SH3RF1: variants seen among roughly 807,000 people sequenced by gnomAD.
SH3RF1 encodes the protein E3 ubiquitin-protein ligase SH3RF1.
In SH3RF1, 32 loss-of-function variants were observed where a neutral mutation model predicts 74.0. That is an observed-to-expected ratio of 0.43 (90% CI 0.33 to 0.58). The LOEUF (loss-of-function observed/expected upper bound fraction) is 0.58, where lower values mean the gene tolerates loss of function less well. Among genes scored for constraint, SH3RF1 ranks in the 20% least tolerant of loss-of-function variants. The pLI, the probability that SH3RF1 is intolerant of heterozygous loss-of-function variation, is 0.05. For synonymous variants in SH3RF1, 396 were observed against 439.6 expected, an observed-to-expected ratio of 0.90 and a Z score of 1.24; for missense variants, 954 against 1,130.9, an observed-to-expected ratio of 0.84 and a Z score of 2.24.
chr4:169,194,426 T>C (rs896258136), intron 2 of SH3RF1, among the ~76,000 whole-genome samples: 1 of 152,188 alleles, frequency 6.6e-6, no homozygotes, highest in African/African-American at 2.4e-5. Context: ...TTAGACACTC[T>C]GGTTTTGTTT....
intron 2 of SH3RF1, among the ~76,000 whole-genome samples, chr4:169,175,139 A>C (rs555342413): frequency 6.6e-6 from 1 of 152,198 alleles, no homozygotes; most frequent in African/African-American, 2.4e-5. Flanking sequence ...CATCCACTTA[A>C]TGCATCAGCA....
At chr4:169,213,810 A>G (rs1161258474) in intron 2 of SH3RF1, among the ~76,000 whole-genome samples, 1 of 152,186 alleles carries the variant, frequency 6.6e-6, no homozygotes, top group African/African-American at 2.4e-5. Context: ...CCTTTGACAA[A>G]AGGTCACTTG....
At chr4:169,213,960 T>C (rs1375027300) in intron 2 of SH3RF1, among the ~76,000 whole-genome samples, 1 of 152,200 alleles carries the variant, frequency 6.6e-6, no homozygotes, top group Non-Finnish European at 1.5e-5. Flanking sequence ...GAGTCCTCTT[T>C]GTTTTTCTCC....
intron 2 of SH3RF1, among the ~76,000 whole-genome samples, chr4:169,228,741 A>G (rs562753550): frequency 6.6e-6 from 1 of 152,324 alleles, no homozygotes; most frequent in East Asian, 1.9e-4. Flanking sequence ...CTACTGCAGC[A>G]TGGAATCATC....
chr4:169,151,343 GC>G (rs1733972721), intron 4 of SH3RF1, among the ~76,000 whole-genome samples: 1 of 152,204 alleles, frequency 6.6e-6, no homozygotes, highest in African/African-American at 2.4e-5. Context: ...AATAATCACA[GC>G]CATCACTGAC....
chr4:169,232,683 A>G (rs1440210486), intron 2 of SH3RF1, among the ~76,000 whole-genome samples: 2 of 152,220 alleles, frequency 1.3e-5, no homozygotes, highest in Non-Finnish European at 2.9e-5. Context: ...AAGAGCATGG[A>G]ACATTTATCA....
At chr4:169,199,598 TG>T (rs753943490) in intron 2 of SH3RF1, among the ~76,000 whole-genome samples, 34 of 151,294 alleles carry the variant, frequency 2.2e-4, no homozygotes, top group Non-Finnish European at 4.6e-4. Flanking sequence ...TCCTGGAAAA[TG>T]TGGCTTAGTG....
chr4:169,246,397 C>G (rs1231055055), intron 2 of SH3RF1, among the ~76,000 whole-genome samples: 1 of 152,180 alleles, frequency 6.6e-6, no homozygotes, highest in African/African-American at 2.4e-5. Flanking sequence ...ACTGAAGTAT[C>G]AAACTGAGCT....
chr4:169,191,808 C>T (rs911288524), intron 2 of SH3RF1, among the ~76,000 whole-genome samples: 1 of 152,012 alleles, frequency 6.6e-6, no homozygotes, highest in Non-Finnish European at 1.5e-5. Flanking sequence ...CCTTTTTCAA[C>T]AAATGGTGCT....
At chr4:169,115,268 C>T (rs986937185) in intron 10 of SH3RF1, among the ~76,000 whole-genome samples, 1 of 152,168 alleles carries the variant, frequency 6.6e-6, no homozygotes, top group African/African-American at 2.4e-5. Flanking sequence ...GGGCCATGGA[C>T]CAGTACTAGC....
At chr4:169,187,793 C>T (rs1734633973) in intron 2 of SH3RF1, among the ~76,000 whole-genome samples, 2 of 152,224 alleles carry the variant, frequency 1.3e-5, no homozygotes, top group African/African-American at 2.4e-5. Context: ...TTGAACAACA[C>T]GTTGTCCATC....
intron 8 of SH3RF1, among the ~76,000 whole-genome samples, chr4:169,118,121 C>A (rs553567550): frequency 6.6e-6 from 1 of 152,302 alleles, no homozygotes; most frequent in South Asian, 2.1e-4. Flanking sequence ...AAGCTAGGAT[C>A]ATTCCCTGAC....
chr4:169,228,094 A>T (rs1730678624), intron 2 of SH3RF1, among the ~76,000 whole-genome samples: 1 of 152,226 alleles, frequency 6.6e-6, no homozygotes, highest in African/African-American at 2.4e-5. Flanking sequence ...TTCCAGGAAC[A>T]GTGAGCAGAC....
At chr4:169,236,511 T>G (rs924277680) in intron 2 of SH3RF1, among the ~76,000 whole-genome samples, 3 of 152,226 alleles carry the variant, frequency 2.0e-5, no homozygotes, top group Non-Finnish European at 4.4e-5. Context: ...TATCGTTACT[T>G]ATTAGTTGGT....
Position 169,256,699 on chromosome 4 carries a change from C to T in SH3RF1, c.393+12121G>A, listed in dbSNP as rs538592030. Among the ~76,000 whole-genome samples the T allele has an allele frequency of 9.9e-5, 15 of 152,174 alleles. No homozygotes were observed. The East Asian group carries it at 2.7e-3, about 27-fold the overall frequency. On this transcript the variant is annotated intron_variant, in intron 2 of 11. Transcript: ENST00000284637. ...GCAGCCTCAAACTCCTGGGCTCAAG[C>T]GATCCTCCAGCCTCAGCCTCCTGAG...
chr4:169,170,634 C>A (rs1233697978), intron 2 of SH3RF1, among the ~76,000 whole-genome samples: 1 of 152,062 alleles, frequency 6.6e-6, no homozygotes, highest in Non-Finnish European at 1.5e-5. Context: ...ATCCTGGGGG[C>A]GCAACACACA....
At chr4:169,234,174 G>A (rs148112842) in intron 2 of SH3RF1, among the ~76,000 whole-genome samples, 13 of 152,106 alleles carry the variant, frequency 8.5e-5, no homozygotes, top group Admixed American at 2.0e-4. Flanking sequence ...TGCCAGGAAC[G>A]TGTGACAATG....
intron 2 of SH3RF1, among the ~76,000 whole-genome samples, chr4:169,251,203 C>T (rs942726734): frequency 2.0e-5 from 3 of 152,168 alleles, no homozygotes; most frequent in Non-Finnish European, 4.4e-5. Flanking sequence ...ATACATAGAG[C>T]TTAACCTGAT....
chr4:169,264,952 ATTAATATCATTTCACCC>A (rs1731329829), intron 2 of SH3RF1, among the ~76,000 whole-genome samples: 1 of 152,038 alleles, frequency 6.6e-6, no homozygotes, highest in Non-Finnish European at 1.5e-5. Flanking sequence ...CCATTCCCTA[ATTAATATCATTTCACCC>A]TTAAGATCTC....
Sources: allele counts gnomAD v4.1 joint callset (sites outside exome capture counted in the v4.1 genomes callset), GRCh38; gene constraint gnomAD v4.1.1; transcripts MANE v1.5; gene names NCBI Gene and HGNC (gene_info 2026-07-23, HGNC 2026-07-21).